The following SLC7A6 variants were observed in gnomAD, a reference collection of about 807,000 sequenced individuals.
The protein encoded by SLC7A6 is Y+L amino acid transporter 2.
In SLC7A6, 29 loss-of-function variants were observed where a neutral mutation model predicts 46.6. The ratio of observed to expected loss-of-function variants is 0.62; its 90% CI spans 0.46 to 0.85. The LOEUF (loss-of-function observed/expected upper bound fraction) is 0.85. SLC7A6 is among the 40% of genes least tolerant of loss of function. The pLI, the probability that SLC7A6 is intolerant of heterozygous loss-of-function variation, is 0.00. For missense variants in SLC7A6, 527 were observed against 647.6 expected, an observed-to-expected ratio of 0.81 and a Z score of 2.02; for synonymous variants, 276 against 257.3, an observed-to-expected ratio of 1.07 and a Z score of -0.70.
In SLC7A6 at chr16:68,287,664, A is replaced by G. The variant is rs373001872; in HGVS notation, c.524-82A>G. The G allele has an allele frequency of 3.7e-3, 5,736 of 1,562,736 alleles. 52 individuals are homozygous for G. Among genetic ancestry groups the G allele is most frequent in the South Asian group, 0.018 (1,454 of 83,000 alleles). On this transcript the variant is annotated intron_variant, in intron 3 of 10. Transcript: ENST00000219343. Reference sequence around the variant, plus strand: ...CCTTTGCCTTAGGCAGGAAGGGCAGAAAGAGTGCTCTCTGTAAAGAGGGGT... The same window carrying G: ...CCTTTGCCTTAGGCAGGAAGGGCAGGAAGAGTGCTCTCTGTAAAGAGGGGT...
chr16:68,269,321 G>T (rs1417063280), intron 2 of SLC7A6, among the ~76,000 whole-genome samples: 2 of 152,040 alleles, frequency 1.3e-5, no homozygotes, highest in Admixed American at 1.3e-4. Context: ...TATGTTGCTT[G>T]TAACTTGTTA....
chr16:68,268,748 G>A (rs1458492855), intron 2 of SLC7A6, among the ~76,000 whole-genome samples: 3 of 152,188 alleles, frequency 2.0e-5, no homozygotes, highest in East Asian at 1.9e-4. Flanking sequence ...GCTCACGCCT[G>A]TAATCCCAGC....
intron 2 of SLC7A6, among the ~76,000 whole-genome samples, chr16:68,271,882 A>T (rs1596969522): frequency 6.6e-6 from 1 of 151,406 alleles, no homozygotes; most frequent in Non-Finnish European, 1.5e-5. Flanking sequence ...GCTCACTGCA[A>T]CCTCCGCCTC....
At chr16:68,270,440 A>G (rs541572192) in intron 2 of SLC7A6, among the ~76,000 whole-genome samples, 84 of 152,024 alleles carry the variant, frequency 5.5e-4, no homozygotes, top group African/African-American at 2.0e-3. Flanking sequence ...GGAGAAGGGT[A>G]TAGGTTGGCC....
intron 3 of SLC7A6, among the ~76,000 whole-genome samples, chr16:68,285,973 T>C (rs1485240516): frequency 6.6e-6 from 1 of 150,838 alleles, no homozygotes; most frequent in Non-Finnish European, 1.5e-5. Flanking sequence ...GGTGTGCACC[T>C]GTGGTCCCAG....
chr16:68,268,963 C>T (rs930258685), intron 2 of SLC7A6, among the ~76,000 whole-genome samples: 5 of 151,782 alleles, frequency 3.3e-5, no homozygotes, highest in East Asian at 1.9e-4. Context: ...GCCAAGATCG[C>T]GTCATTGCAC....
intron 3 of SLC7A6, among the ~76,000 whole-genome samples, chr16:68,275,901 G>A (rs1209195349): frequency 1.3e-5 from 2 of 150,714 alleles, no homozygotes; most frequent in Non-Finnish European, 3.0e-5. Flanking sequence ...TGTAAGCCCA[G>A]AAAAAAACCC....
rs2043253565 is a variant in SLC7A6, at chr16:68,300,619, A to G, written c.*3291A>G. 4.1e-6 allele frequency: 4 copies of G among 985,328 alleles called. No individual in the cohort carries two copies. Among genetic ancestry groups the G allele is most frequent in the Non-Finnish European group, 4.8e-6 (4 of 829,826 alleles). 61.0% of individuals were successfully genotyped at this position (985,328 alleles called of 1,614,324 possible). On this transcript the variant is annotated 3_prime_UTR_variant, in exon 11 of 11. Coordinates refer to ENST00000219343, the MANE Select transcript of SLC7A6 (RefSeq NM_003983.6). Reference sequence around the variant, plus strand: ...GGTTTTCAAAGAATTACTTTCTTCCATGTTCAAAGCTAGATTTTACTAAAC... The same window carrying G: ...GGTTTTCAAAGAATTACTTTCTTCCGTGTTCAAAGCTAGATTTTACTAAAC...
At position 68,274,735 on chromosome 16, in the gene SLC7A6, C is replaced by CA. The variant is rs1567583586; in HGVS notation, c.10dup (p.Arg4LysfsTer15). 6.2e-7 allele frequency: 1 copy of CA among 1,614,006 alleles called. No individual in the cohort carries two copies. The highest frequency in any genetic ancestry group is 8.5e-7 in the Non-Finnish European group (1 of 1,179,878). ...TGCAGGAACCGTTTGTCATGGAAGC[C>CA]AGGGAGCCTGGGAGGCCCACACCCA... On this transcript the variant is annotated frameshift_variant, in exon 3 of 11. Coordinates refer to ENST00000219343, the MANE Select transcript of SLC7A6 (RefSeq NM_003983.6). LOFTEE classifies it high-confidence loss of function.
rs2043206231 is a variant in SLC7A6, at chr16:68,298,057, CACG to C, written c.*730_*732del. ...AATGAACCTTAAAGATTTTTTTACTCACGTACCTGTTACACTTTAGCATACAGA... is the reference window on the plus strand; with the variant it reads ...AATGAACCTTAAAGATTTTTTTACTCTACCTGTTACACTTTAGCATACAGA... On this transcript the variant is annotated 3_prime_UTR_variant, in exon 11 of 11. Transcript: ENST00000219343. 6.6e-6 allele frequency: 1 copy of C among 152,638 alleles called. No homozygotes were observed. The highest frequency in any genetic ancestry group is 2.1e-4 in the South Asian group (1 of 4,830). The allele number at this position is 152,638 out of a possible 1,614,324, so 9.5% of individuals were successfully genotyped here. A position where few individuals can be genotyped will look rare whatever the true frequency, so the allele number is the denominator to read the frequency against.
At position 68,298,516 on chromosome 16, in the gene SLC7A6, T is replaced by C. The variant is rs964570148; in HGVS notation, c.*1188T>C. ...GCTTTGTTTACACTTGGAGCCACCT[T>C]GGTGTGGGTCACCGGGACAGTGTAC... On this transcript the variant is annotated 3_prime_UTR_variant, in exon 11 of 11. Transcript: ENST00000219343. 6.6e-6 allele frequency: 1 copy of C among 152,272 alleles called. No homozygotes were observed. The highest frequency in any genetic ancestry group is 6.5e-5 in the Admixed American group (1 of 15,284). The allele number at this position is 152,272 out of a possible 1,614,324, so 9.4% of individuals were successfully genotyped here.
intron 1 of SLC7A6, among the ~76,000 whole-genome samples, chr16:68,266,306 G>A (rs2042533843): frequency 6.6e-6 from 1 of 152,054 alleles, no homozygotes; most frequent in Admixed American, 6.6e-5. Context: ...ACGGGACCTG[G>A]GGCCCCAGAG....
At chr16:68,296,885 A>G (rs1232422029) in intron 10 of SLC7A6, 75 bp downstream of exon 10, 8 of 1,499,926 alleles carry the variant, frequency 5.3e-6, no homozygotes, top group Non-Finnish European at 7.3e-6. Context: ...GGTGGCTAAC[A>G]GCTTCCCCAT....
rs1051291308 is a variant in SLC7A6 at position 68,299,556 on chromosome 16, T to C, written c.*2228T>C. 7 of 152,340 alleles carry C rather than the reference T, an allele frequency of 4.6e-5. No individual in the cohort carries two copies. Among genetic ancestry groups the C allele is most frequent in the Non-Finnish European group, 1.0e-4 (7 of 68,048 alleles). 9.4% of individuals were successfully genotyped at this position (152,340 alleles called of 1,614,324 possible). ...TTGTTGTCTGTCTCCTTAAATCCTT[T>C]TCCTGGTGTGCTTATTATCCCTTTT... On this transcript the variant is annotated 3_prime_UTR_variant, in exon 11 of 11. Coordinates refer to ENST00000219343, the MANE Select transcript of SLC7A6 (RefSeq NM_003983.6).
Position 68,287,746 on chromosome 16 carries a change from G to C in SLC7A6, c.524G>C (p.Cys175Ser), listed in dbSNP as rs1258339258. 11 of 1,613,026 alleles carry C rather than the reference G, an allele frequency of 6.8e-6. No homozygotes were observed. Among genetic ancestry groups the C allele is most frequent in the Non-Finnish European group, 9.3e-6 (11 of 1,179,118 alleles). ...ACRLLAAACI[C>S]LLTFVNCAYV... is the part of the protein sequence containing the mutation. The stretch of plus-strand genomic sequence containing the variant: ...AGTGACTTTGTGGTTTTCCTCCTAG[G>C]TCTGCTGACATTTGTGAACTGTGCC... The change falls in exon 4 of 11, where the codon TGT (cysteine) becomes TCT (serine). Residue 175 changes from cysteine (C) to serine (S), a missense_variant and splice_region_variant. By Grantham distance (112) the Cys-to-Ser change is moderately radical. Coordinates refer to ENST00000219343, the MANE Select transcript of SLC7A6 (RefSeq NM_003983.6).
intron 4 of SLC7A6, among the ~76,000 whole-genome samples, chr16:68,289,296 AAAACAG>A (rs2043000921): frequency 6.6e-6 from 1 of 152,162 alleles, no homozygotes; most frequent in African/African-American, 2.4e-5. Flanking sequence ...TCTGTCTCAA[AAAACAG>A]AAAAAGAAAA....
intron 3 of SLC7A6, among the ~76,000 whole-genome samples, chr16:68,280,045 G>C (rs1337096299): frequency 6.6e-6 from 1 of 152,226 alleles, no homozygotes; most frequent in African/African-American, 2.4e-5. Context: ...TCCCTTCTTG[G>C]AACTTAGGTT....
Position 68,296,650 on chromosome 16 carries a change from G to A in SLC7A6, c.1293G>A (p.Val431=), listed in dbSNP as rs2043174801. Residue 431 remains valine, a synonymous_variant, in exon 10 of 11, where the codon GTG becomes GTA. Transcript: ENST00000219343. ...AGCTGAGCGTGTTTTTCCCCATCGT[G>A]TTCTGCATATGCTCCGTGTTTCTGG... ...PLKLSVFFPI[V]FCICSVFLVI... is the part of the protein sequence containing the mutation. 1 of 1,614,180 alleles carries A rather than the reference G, an allele frequency of 6.2e-7. No individual in the cohort carries two copies. Among genetic ancestry groups the A allele is most frequent in the Non-Finnish European group, 8.5e-7 (1 of 1,180,040 alleles).
rs1331039703 is a variant in SLC7A6, at chr16:68,299,968, T to G, written c.*2640T>G. ...CATAAAGTCAAAGAATGATGGCAGG[T>G]AGGATGAAGGAGAGATACTTAGGAA... On this transcript the variant is annotated 3_prime_UTR_variant, in exon 11 of 11. Transcript: ENST00000219343. 2 of 152,072 alleles carry G rather than the reference T, an allele frequency of 1.3e-5. No homozygotes were observed. The highest frequency in any genetic ancestry group is 2.9e-5 in the Non-Finnish European group (2 of 68,018). The allele number at this position is 152,072 out of a possible 1,614,324, so 9.4% of individuals were successfully genotyped here. A position where few individuals can be genotyped will look rare whatever the true frequency, so the allele number is the denominator to read the frequency against.
Sources: gnomAD v4.1 joint callset for allele counts (sites outside exome capture counted in the v4.1 genomes callset) on GRCh38, gnomAD v4.1.1 for gene constraint, MANE v1.5 for transcripts, NCBI Gene and HGNC (gene_info 2026-07-23, HGNC 2026-07-21) for gene names.